Variants in CTNNA2 observed in about 807,000 individuals in gnomAD.
CTNNA2 encodes catenin alpha 2.
CTNNA2 carries 42 observed loss-of-function variants against 101.0 expected under a neutral mutation model. That is an observed-to-expected ratio of 0.42 (90% CI 0.32 to 0.54). The LOEUF (loss-of-function observed/expected upper bound fraction) is 0.54, where lower values mean the gene tolerates loss of function less well. CTNNA2 is among the 20% of genes least tolerant of loss of function. CTNNA2 has a pLI of 0.14. For synonymous variants in CTNNA2, 450 were observed against 456.4 expected, an observed-to-expected ratio of 0.99 and a Z score of 0.18; for missense variants, 871 against 1,223.1, an observed-to-expected ratio of 0.71 and a Z score of 4.29.
At position 80,504,839 on chromosome 2, in the gene CTNNA2, G is replaced by T. The variant is rs147730216; in HGVS notation, c.1291-40143G>T. Among the ~76,000 whole-genome samples the T allele has an allele frequency of 3.3e-5, 5 of 152,276 alleles. No individual in the cohort carries two copies. The East Asian group carries it at 7.7e-4, about 24-fold the overall frequency. The stretch of plus-strand genomic sequence containing the variant: ...ACGTGGCCTGTGGCTCACCTTTCAA[G>T]AACCACCTGCACTCTGTTAGTTGTA... On this transcript the variant is annotated intron_variant, in intron 9 of 18. Coordinates refer to ENST00000402739, the MANE Select transcript of CTNNA2 (RefSeq NM_001282597.3).
chr2:79,594,444 C>T (rs1423581414), intron 1 of CTNNA2, among the ~76,000 whole-genome samples: 1 of 152,110 alleles, frequency 6.6e-6, no homozygotes, highest in Non-Finnish European at 1.5e-5. Context: ...ATAATGGCTC[C>T]TACCTTATAG....
intron 2 of CTNNA2, among the ~76,000 whole-genome samples, chr2:79,245,170 G>A (rs568184444): frequency 3.6e-4 from 55 of 152,074 alleles, no homozygotes; most frequent in African/African-American, 1.2e-3. Context: ...ATGCATCAAG[G>A]CCGGATGCAG....
intron 1 of CTNNA2, among the ~76,000 whole-genome samples, chr2:79,636,035 G>A (rs912604540): frequency 6.7e-6 from 1 of 150,050 alleles, no homozygotes; most frequent in African/African-American, 2.4e-5. Context: ...GCTGAGGCAG[G>A]CGGATCACGA....
intron 2 of CTNNA2, among the ~76,000 whole-genome samples, chr2:79,238,180 G>A (rs1168284040): frequency 6.6e-6 from 1 of 152,038 alleles, no homozygotes; most frequent in Non-Finnish European, 1.5e-5. Context: ...CTATTAATTG[G>A]CCTAATTTCA....
intron 8 of CTNNA2, among the ~76,000 whole-genome samples, chr2:80,403,733 G>A (rs1678794786): frequency 6.6e-6 from 1 of 152,120 alleles, no homozygotes; most frequent in Non-Finnish European, 1.5e-5. Context: ...TATGATATTG[G>A]CTGTGGGTTT....
intron 3 of CTNNA2, among the ~76,000 whole-genome samples, chr2:79,806,965 C>G (rs1411239079): frequency 6.6e-6 from 1 of 152,060 alleles, no homozygotes; most frequent in Non-Finnish European, 1.5e-5. Flanking sequence ...AAACTCCTTT[C>G]CTGAGTCCTA....
intron 11 of CTNNA2, among the ~76,000 whole-genome samples, chr2:80,547,266 GTAAC>G (rs1322331093): frequency 1.3e-5 from 2 of 152,152 alleles, no homozygotes; most frequent in African/African-American, 4.8e-5. Context: ...GAACATTGAT[GTAAC>G]ATGCGGCCTG....
chr2:79,331,241 A>T (rs575565368), intron 3 of CTNNA2, among the ~76,000 whole-genome samples: 1 of 152,086 alleles, frequency 6.6e-6, no homozygotes, highest in East Asian at 1.9e-4. Flanking sequence ...CTTGGATCCC[A>T]CTTACCTAGA....
At chr2:80,529,376 AGT>A (rs1690324620) in intron 9 of CTNNA2, among the ~76,000 whole-genome samples, 1 of 152,208 alleles carries the variant, frequency 6.6e-6, no homozygotes, top group Admixed American at 6.5e-5. Flanking sequence ...CCAATGGAAA[AGT>A]ATATCTATGT....
At chr2:80,144,712 CTGAGA>C (rs1208519898) in intron 7 of CTNNA2, among the ~76,000 whole-genome samples, 2 of 152,176 alleles carry the variant, frequency 1.3e-5, no homozygotes, top group Non-Finnish European at 2.9e-5. Context: ...ATCAACAGAG[CTGAGA>C]TATTTTGCCT....
Position 80,368,831 on chromosome 2 carries a change from ATGTGTGTGTGTATATATGTGTGTGTG to A in CTNNA2, c.1057-24362_1057-24337del, listed in dbSNP as rs1316504283. ...TGAAAAACAGTATGTGTATATATAT[ATGTGTGTGTGTATATATGTGTGTGTG>A]TGTGTGTGTGTATATATATATATAT... is the stretch of plus-strand genomic sequence containing the variant. On this transcript the variant is annotated intron_variant, in intron 7 of 18. Transcript: ENST00000402739. Among the ~76,000 whole-genome samples, 6 of 143,906 alleles carry A rather than the reference ATGTGTGTGTGTATATATGTGTGTGTG, an allele frequency of 4.2e-5. 1 individual carries two copies. The highest frequency in any genetic ancestry group is 2.7e-4 in the Admixed American group (4 of 14,582). 94.4% of individuals were successfully genotyped at this position (143,906 alleles called of 152,430 possible).
intron 1 of CTNNA2, among the ~76,000 whole-genome samples, chr2:79,541,208 G>A (rs1160936349): frequency 6.7e-6 from 1 of 149,004 alleles, no homozygotes; most frequent in Admixed American, 6.7e-5. Flanking sequence ...GAGTTTGTGT[G>A]TATATATATA....
chr2:79,785,017 C>T (rs1336712856), intron 3 of CTNNA2, among the ~76,000 whole-genome samples: 1 of 152,012 alleles, frequency 6.6e-6, no homozygotes, highest in Non-Finnish European at 1.5e-5. Context: ...TATATGATAC[C>T]TATGTTAAAA....
chr2:80,324,817 T>C (rs1213628738), intron 7 of CTNNA2, among the ~76,000 whole-genome samples: 1 of 152,148 alleles, frequency 6.6e-6, no homozygotes, highest in African/African-American at 2.4e-5. Flanking sequence ...GGGATCTGTT[T>C]TATGAATGCC....
At chr2:79,899,952 G>T (rs1021307648) in intron 6 of CTNNA2, among the ~76,000 whole-genome samples, 9 of 152,154 alleles carry the variant, frequency 5.9e-5, no homozygotes, top group African/African-American at 2.2e-4. Flanking sequence ...GAATGAAAAA[G>T]ATGAAAATGT....
Position 79,878,044 on chromosome 2 carries a change from C to T in CTNNA2, c.852+3702C>T, listed in dbSNP as rs1305122943. On this transcript the variant is annotated intron_variant, in intron 6 of 18. Coordinates refer to ENST00000402739, the MANE Select transcript of CTNNA2 (RefSeq NM_001282597.3). ...ATGTGTTCTCATTGTTCAACTCCCACTTAGGAATGAGAACATGTGGTGTTT... is the reference window on the plus strand; with the variant it reads ...ATGTGTTCTCATTGTTCAACTCCCATTTAGGAATGAGAACATGTGGTGTTT... Among the ~76,000 whole-genome samples, 7 of 152,244 alleles carry T rather than the reference C, an allele frequency of 4.6e-5. 1 individual carries two copies. In the South Asian group the frequency reaches 1.2e-3, roughly 27 times the overall value.
At chr2:79,847,170 A>G (rs1224897000) in intron 3 of CTNNA2, among the ~76,000 whole-genome samples, 2 of 152,184 alleles carry the variant, frequency 1.3e-5, no homozygotes, top group African/African-American at 4.8e-5. Flanking sequence ...GATCTACCCT[A>G]TAGAAGAGAA....
chr2:80,144,411 A>C (rs1166155649), intron 7 of CTNNA2, among the ~76,000 whole-genome samples: 1 of 152,220 alleles, frequency 6.6e-6, no homozygotes, highest in African/African-American at 2.4e-5. Context: ...ATATGAAATG[A>C]GTTTTATTTA....
At chr2:79,517,294 G>A (rs1346053304) in intron 1 of CTNNA2, among the ~76,000 whole-genome samples, 3 of 152,116 alleles carry the variant, frequency 2.0e-5, no homozygotes, top group African/African-American at 7.2e-5. Flanking sequence ...TTACCCACAA[G>A]TTTGAAGTAT....
Sources: gnomAD v4.1 joint callset for allele counts (sites outside exome capture counted in the v4.1 genomes callset) on GRCh38, gnomAD v4.1.1 for gene constraint, MANE v1.5 for transcripts, NCBI Gene and HGNC (gene_info 2026-07-23, HGNC 2026-07-21) for gene names.